Variants in FOXO1 observed in about 807,000 individuals in gnomAD.
The protein encoded by FOXO1 is forkhead box protein O1.
FOXO1 carries 6 observed loss-of-function variants against 44.1 expected under a neutral mutation model. That is an observed-to-expected ratio of 0.14 (90% CI 0.07 to 0.27). The LOEUF (loss-of-function observed/expected upper bound fraction) is 0.27. Ranked by LOEUF, FOXO1 falls within the 10% of genes least tolerant of loss-of-function variation. The probability of loss-of-function intolerance (pLI) is 1.00; values close to 1 mark genes in which losing one functional copy is unlikely to be tolerated. For missense variants in FOXO1, 737 were observed against 888.8 expected (o/e 0.83, Z 2.17); for synonymous variants, 380 against 362.7 (o/e 1.05, Z -0.54).
At chr13:40,601,553 G>A (rs1171333557) in intron 1 of FOXO1, among the ~76,000 whole-genome samples, 3 of 152,064 alleles carry the variant, frequency 2.0e-5, no homozygotes, top group South Asian at 2.1e-4. Context: ...ATTTAAACAC[G>A]TATTTGTTCT....
chr13:40,605,353 T>C (rs1875956401), intron 1 of FOXO1, among the ~76,000 whole-genome samples: 1 of 152,186 alleles, frequency 6.6e-6, no homozygotes, highest in African/African-American at 2.4e-5. Context: ...GATGCTCTGT[T>C]ACAACACTAA....
At position 40,559,813 on chromosome 13, in the gene FOXO1, T is replaced by C. The variant is rs1235576481; in HGVS notation, c.1678A>G (p.Thr560Ala). ...TGGGGCAGAGGCACTTGTACAGGTG[T>C]CTTCACTTGGGTCAGGCGGTTCATA... is the stretch of plus-strand genomic sequence containing the variant. ...SGMNRLTQVKTPVQVPLPHPM... is the reference protein window; with the variant it reads ...SGMNRLTQVKAPVQVPLPHPM... The change falls in exon 2 of 3, where the codon ACA becomes GCA. Residue 560 changes from threonine (T) to alanine (A), a missense_variant. Transcript: ENST00000379561. 6.2e-7 allele frequency: 1 copy of C among 1,614,026 alleles called. No homozygotes were observed. The highest frequency in any genetic ancestry group is 2.2e-5 in the East Asian group (1 of 44,880).
At chr13:40,588,619 T>C (rs926211921) in intron 1 of FOXO1, among the ~76,000 whole-genome samples, 2 of 152,184 alleles carry the variant, frequency 1.3e-5, no homozygotes, top group Non-Finnish European at 2.9e-5. Context: ...TGGGAAGCAC[T>C]ATGATTATTT....
At position 40,559,579 on chromosome 13, in the gene FOXO1, T is replaced by G; in HGVS notation, c.1912A>C (p.Asn638His). ...LDFNFDNVLP[N>H]QSFPHSVKTT... ...TTGACACTGTGTGGGAAGCTTTGGTTGGGCAACACATTGTCAAAGTTAAAA... is the reference window on the plus strand; with the variant it reads ...TTGACACTGTGTGGGAAGCTTTGGTGGGGCAACACATTGTCAAAGTTAAAA... The change falls in exon 2 of 3, where the codon AAC becomes CAC. Residue 638 changes from asparagine (N) to histidine (H), a missense_variant. Coordinates refer to ENST00000379561, the MANE Select transcript of FOXO1 (RefSeq NM_002015.4). 6.2e-7 allele frequency: 1 copy of G among 1,613,386 alleles called. No homozygotes were observed. Among genetic ancestry groups the G allele is most frequent in the Non-Finnish European group, 8.5e-7 (1 of 1,179,620 alleles).
intron 1 of FOXO1, among the ~76,000 whole-genome samples, chr13:40,634,209 A>G (rs1000182187): frequency 7.2e-5 from 11 of 152,200 alleles, no homozygotes; most frequent in African/African-American, 2.7e-4. Flanking sequence ...TGCCCACGAC[A>G]AATTCCCTTT....
rs1465967836 is a variant in FOXO1 at position 40,578,790 on chromosome 13, A to C, written c.631-17930T>G. Among the ~76,000 whole-genome samples, 4 of 152,338 alleles carry C rather than the reference A, an allele frequency of 2.6e-5. No homozygotes were observed. In the East Asian group the frequency reaches 7.7e-4, roughly 29 times the overall value. Reference sequence around the variant, plus strand: ...TTTAGAGCCTTGAGTACACAAAACAACACAAAACAAACAAGAGCAAAACTG... The same window carrying C: ...TTTAGAGCCTTGAGTACACAAAACACCACAAAACAAACAAGAGCAAAACTG... On this transcript the variant is annotated intron_variant, in intron 1 of 2. Transcript: ENST00000379561.
chr13:40,634,804 A>G (rs1877091137), intron 1 of FOXO1, among the ~76,000 whole-genome samples: 1 of 151,910 alleles, frequency 6.6e-6, no homozygotes, highest in Non-Finnish European at 1.5e-5. Flanking sequence ...CTCAGCCCCG[A>G]GTAGCTGGGA....
chr13:40,570,103 A>G (rs1432621844), intron 1 of FOXO1, among the ~76,000 whole-genome samples: 1 of 152,170 alleles, frequency 6.6e-6, no homozygotes, highest in African/African-American at 2.4e-5. Context: ...ACGAGGGTGA[A>G]GAGATGGAGA....
At chr13:40,587,423 A>G (rs1875210120) in intron 1 of FOXO1, among the ~76,000 whole-genome samples, 1 of 152,184 alleles carries the variant, frequency 6.6e-6, no homozygotes, top group African/African-American at 2.4e-5. Flanking sequence ...TATTTACATG[A>G]CTAGTTTTAA....
Position 40,571,355 on chromosome 13 carries a change from A to G in FOXO1, c.631-10495T>C, listed in dbSNP as rs369373784. Among the ~76,000 whole-genome samples, 9 of 152,178 alleles carry G rather than the reference A, an allele frequency of 5.9e-5. No individual in the cohort carries two copies. The East Asian group carries it at 1.5e-3, about 26-fold the overall frequency. On this transcript the variant is annotated intron_variant, in intron 1 of 2. Coordinates refer to ENST00000379561, the MANE Select transcript of FOXO1 (RefSeq NM_002015.4). ...CCTGCACATTGTGCACATGTACCCT[A>G]GAACTTAAAGTACTATAAAAAAAGT...
rs9566560 is a variant in FOXO1, at chr13:40,662,938, A to G, written c.630+2645T>C. Among the ~76,000 whole-genome samples, 163 of 152,368 alleles carry G rather than the reference A, an allele frequency of 1.1e-3. 4 individuals carry two copies. The East Asian group carries it at 0.019, about 18-fold the overall frequency. The stretch of plus-strand genomic sequence containing the variant: ...GAGTGAAACTTGGTTTTAACAAGTA[A>G]CTCATTTTTATGAAACTAACCAAAA... On this transcript the variant is annotated intron_variant, in intron 1 of 2. Coordinates refer to ENST00000379561, the MANE Select transcript of FOXO1 (RefSeq NM_002015.4).
At chr13:40,659,659 A>G (rs1465215551) in intron 1 of FOXO1, among the ~76,000 whole-genome samples, 2 of 152,154 alleles carry the variant, frequency 1.3e-5, no homozygotes, top group East Asian at 3.8e-4. Flanking sequence ...AGTTTTTATC[A>G]AAACTATACA....
intron 1 of FOXO1, among the ~76,000 whole-genome samples, chr13:40,661,761 C>G (rs1878044105): frequency 6.6e-6 from 1 of 152,152 alleles, no homozygotes. Flanking sequence ...GGTTCAATTA[C>G]TCACCTATAG....
At chr13:40,658,258 C>T (rs994452051) in intron 1 of FOXO1, among the ~76,000 whole-genome samples, 4 of 152,074 alleles carry the variant, frequency 2.6e-5, no homozygotes, top group South Asian at 2.1e-4. Context: ...AAAAGCTAAA[C>T]GAGGGGAATG....
rs55733141 is a variant in FOXO1, at chr13:40,584,469, C to CAAAAAAAAAAAAA, written c.631-23622_631-23610dup. The stretch of plus-strand genomic sequence containing the variant: ...AGAAATTCTATCTCCACAAAAAATG[C>CAAAAAAAAAAAAA]AAAAAAAAAAAAAAAAAAAAAAAAA... On this transcript the variant is annotated intron_variant, in intron 1 of 2. Transcript: ENST00000379561. Among the ~76,000 whole-genome samples the CAAAAAAAAAAAAA allele has an allele frequency of 2.5e-3, 160 of 63,080 alleles. 13 individuals are homozygous for CAAAAAAAAAAAAA. The highest frequency in any genetic ancestry group is 0.011 in the Middle Eastern group (1 of 94). 41.4% of individuals were successfully genotyped at this position (63,080 alleles called of 152,430 possible).
intron 1 of FOXO1, among the ~76,000 whole-genome samples, chr13:40,600,256 G>C (rs1875766842): frequency 6.6e-6 from 1 of 152,196 alleles, no homozygotes; most frequent in African/African-American, 2.4e-5. Flanking sequence ...AAGATGGAGA[G>C]AAATGGACAC....
chr13:40,562,870 G>A (rs1178268759), intron 1 of FOXO1: 1 of 152,614 alleles, frequency 6.6e-6, no homozygotes, highest in African/African-American at 2.4e-5. Flanking sequence ...GGGAAACGCT[G>A]TGAGCTCCCC....
chr13:40,579,728 T>C (rs566020069), intron 1 of FOXO1, among the ~76,000 whole-genome samples: 3 of 152,302 alleles, frequency 2.0e-5, no homozygotes, highest in Non-Finnish European at 2.9e-5. Context: ...TGTGAGCACA[T>C]AGGCAGTTTC....
intron 1 of FOXO1, among the ~76,000 whole-genome samples, chr13:40,574,335 G>C (rs1167224747): frequency 2.0e-5 from 3 of 152,282 alleles, no homozygotes; most frequent in Admixed American, 1.3e-4. Context: ...GTCCAAGTTA[G>C]ATCATTACTG....
Sources: gnomAD v4.1 joint callset for allele counts (sites outside exome capture counted in the v4.1 genomes callset) on GRCh38, gnomAD v4.1.1 for gene constraint, MANE v1.5 for transcripts, NCBI Gene and HGNC (gene_info 2026-07-23, HGNC 2026-07-21) for gene names.